The following LCORL variants were observed in gnomAD, a reference collection of about 807,000 sequenced individuals.
LCORL encodes the protein ligand-dependent nuclear receptor corepressor-like protein.
In LCORL, 41 loss-of-function variants were observed where a neutral mutation model predicts 141.8. That is an observed-to-expected ratio of 0.29 (90% confidence interval 0.23 to 0.38). The LOEUF (loss-of-function observed/expected upper bound fraction) is 0.38. LCORL is among the 10% of genes least tolerant of loss of function. The probability of loss-of-function intolerance (pLI) is 1.00; values close to 1 mark genes in which losing one functional copy is unlikely to be tolerated. For missense variants in LCORL, 1,759 were observed against 2,035.0 expected (o/e 0.86, Z 2.61); for synonymous variants, 618 against 694.1 (o/e 0.89, Z 1.72).
At chr4:17,874,020 T>C (rs1726650699) in exon 7 of LCORL, 2 of 1,234,096 alleles carry the variant, frequency 1.6e-6, no homozygotes, top group South Asian at 4.1e-5. Flanking sequence ...ACACTGATTA[T>C]CTACTATGCT....
At chr4:17,983,892 T>A (rs974302555) in intron 1 of LCORL, among the ~76,000 whole-genome samples, 4 of 152,208 alleles carry the variant, frequency 2.6e-5, no homozygotes, top group Non-Finnish European at 5.9e-5. Context: ...CAGTATGATG[T>A]TGGCTGTGAG....
Position 18,021,788 on chromosome 4 carries a change from G to A in LCORL, c.-37C>T, listed in dbSNP as rs766345420. On this transcript the variant is annotated 5_prime_UTR_variant, in exon 1 of 8. Transcript: ENST00000635767. The surrounding 1 kb of genome is among the most constrained non-coding windows in gnomAD (Gnocchi z 5.5). The stretch of plus-strand genomic sequence containing the variant: ...GTCACGCGCCCTCATTTACATACGA[G>A]CAGCGCAGGCACGAGGCAGGGGCGC... 3.5e-6 allele frequency: 5 copies of A among 1,446,258 alleles called. No individual in the cohort carries two copies. Among genetic ancestry groups the A allele is most frequent in the Non-Finnish European group, 4.5e-6 (5 of 1,107,538 alleles). 89.6% of individuals were successfully genotyped at this position (1,446,258 alleles called of 1,614,324 possible).
chr4:17,988,457 G>C (rs1719398799), intron 1 of LCORL, among the ~76,000 whole-genome samples: 1 of 151,972 alleles, frequency 6.6e-6, no homozygotes, highest in African/African-American at 2.4e-5. Flanking sequence ...TATTTTAGTA[G>C]AGACTAGGTT....
At chr4:17,991,244 T>C (rs1458799706) in intron 1 of LCORL, among the ~76,000 whole-genome samples, 2 of 152,214 alleles carry the variant, frequency 1.3e-5, no homozygotes, top group Non-Finnish European at 2.9e-5. Context: ...ACCCTGCTCA[T>C]TCATTCTTCT....
chr4:17,991,817 T>C (rs935907575), intron 1 of LCORL, among the ~76,000 whole-genome samples: 12 of 152,066 alleles, frequency 7.9e-5, no homozygotes, highest in African/African-American at 2.9e-4. Context: ...AAAAATCAAA[T>C]ATTTTCTAAT....
intron 7 of LCORL, among the ~76,000 whole-genome samples, chr4:17,846,832 C>A (rs867780226): frequency 2.0e-5 from 3 of 152,132 alleles, no homozygotes; most frequent in Non-Finnish European, 4.4e-5. Context: ...TCTGAACTTG[C>A]TCTCAGTAAA....
chr4:17,915,743 A>G (rs1474563744), intron 4 of LCORL, among the ~76,000 whole-genome samples: 1 of 152,238 alleles, frequency 6.6e-6, no homozygotes, highest in Admixed American at 6.5e-5. Flanking sequence ...GAATTGGATG[A>G]TCTATCTAGG....
At chr4:18,013,049 G>T (rs1045683741) in intron 1 of LCORL, among the ~76,000 whole-genome samples, 1 of 152,042 alleles carries the variant, frequency 6.6e-6, no homozygotes, top group African/African-American at 2.4e-5. Context: ...CCTCACTACT[G>T]AAATTTATCT....
intron 4 of LCORL, among the ~76,000 whole-genome samples, chr4:17,936,346 T>C (rs565418404): frequency 2.2e-5 from 3 of 136,282 alleles, no homozygotes; most frequent in Admixed American, 7.5e-5. Context: ...TAAAATCTAA[T>C]CCAGTCTCAT....
intron 4 of LCORL, among the ~76,000 whole-genome samples, chr4:17,914,899 G>A (rs1460329793): frequency 6.6e-6 from 1 of 152,120 alleles, no homozygotes; most frequent in Non-Finnish European, 1.5e-5. Context: ...ATATAACACT[G>A]CTGTGCAATA....
chr4:17,908,877 A>G (rs2109325555), intron 5 of LCORL, among the ~76,000 whole-genome samples: 1 of 152,240 alleles, frequency 6.6e-6, no homozygotes, highest in South Asian at 2.1e-4. Flanking sequence ...CTTTATTGCA[A>G]AAGGAGTTGA....
chr4:17,974,619 T>A (rs1716581353), intron 1 of LCORL, among the ~76,000 whole-genome samples: 1 of 152,146 alleles, frequency 6.6e-6, no homozygotes, highest in African/African-American at 2.4e-5. Context: ...TGGTTTTATT[T>A]GGTTTTGGTA....
intron 7 of LCORL, among the ~76,000 whole-genome samples, chr4:17,852,108 CT>C (rs1308018026): frequency 1.3e-5 from 2 of 152,140 alleles, no homozygotes; most frequent in African/African-American, 4.8e-5. Context: ...GGAATACATT[CT>C]AAATGCTATG....
exon 7 of LCORL, chr4:17,875,109 T>C (rs528143259): frequency 1.6e-6 from 2 of 1,233,600 alleles, no homozygotes; most frequent in Non-Finnish European, 1.0e-6. Context: ...GTCATACTTT[T>C]CTTCAGGCAG....
Position 17,877,557 on chromosome 4 carries a change from G to A in LCORL, c.1433C>T (p.Ser478Phe), listed in dbSNP as rs1314846079. Residue 478 changes from serine to phenylalanine, a missense_variant, in exon 7 of 8, where the codon TCT becomes TTT. Around this residue, in one of 5 missense-constraint regions of LCORL, gnomAD observed 1,311 missense variants for 1,531.3 expected, o/e 0.86. Transcript: ENST00000635767. Reference sequence around the variant, plus strand: ...GCTGCTGATTTCTGCTGGTGTGAGAGATGGAGGCTGGTTAATGTTTGCTTC... The same window carrying A: ...GCTGCTGATTTCTGCTGGTGTGAGAAATGGAGGCTGGTTAATGTTTGCTTC... 6.5e-6 allele frequency: 8 copies of A among 1,230,452 alleles called. No individual in the cohort carries two copies. The Admixed American group carries it at 1.3e-4, about 20-fold the overall frequency. 76.2% of individuals were successfully genotyped at this position (1,230,452 alleles called of 1,614,324 possible).
At chr4:18,018,500 T>C (rs1416029937) in intron 1 of LCORL, among the ~76,000 whole-genome samples, 1 of 152,110 alleles carries the variant, frequency 6.6e-6, no homozygotes, top group East Asian at 1.9e-4. Context: ...TAGTTAAAAA[T>C]CTAACATAAA....
At position 18,010,446 on chromosome 4, in the gene LCORL, ATG is replaced by A. The variant is rs989779156; in HGVS notation, c.154+11150_154+11151del. Among the ~76,000 whole-genome samples, 38 of 151,648 alleles carry A rather than the reference ATG, an allele frequency of 2.5e-4. 1 individual carries two copies. The highest frequency in any genetic ancestry group is 7.4e-5 in the Non-Finnish European group (5 of 67,904). On this transcript the variant is annotated intron_variant, in intron 1 of 7. Transcript: ENST00000635767. ...TATGTATGTATGTATATATGTATGT[ATG>A]TGTGTATATATATATATTTGAGATG... is the stretch of plus-strand genomic sequence containing the variant.
chr4:17,938,351 A>G (rs942447484), intron 4 of LCORL, among the ~76,000 whole-genome samples: 1 of 151,810 alleles, frequency 6.6e-6, no homozygotes, highest in Non-Finnish European at 1.5e-5. Context: ...TGATGTTACA[A>G]ATTAATAATA....
At chr4:18,002,749 A>G (rs1722173649) in intron 1 of LCORL, among the ~76,000 whole-genome samples, 1 of 152,204 alleles carries the variant, frequency 6.6e-6, no homozygotes, top group Non-Finnish European at 1.5e-5. Context: ...TTTTGTACAT[A>G]TTTAAAATTG....
Sources: gnomAD v4.1 joint callset for allele counts (sites outside exome capture counted in the v4.1 genomes callset) on GRCh38, gnomAD v4.1.1 for gene constraint, gnomAD v4.1.1 regional missense constraint, Gnocchi (gnomAD v3.1) non-coding constraint, MANE v1.5 for transcripts, NCBI Gene and HGNC (gene_info 2026-07-23, HGNC 2026-07-21) for gene names.